The following SYT9 variants were observed in gnomAD, a reference collection of about 807,000 sequenced individuals.
SYT9 encodes synaptotagmin 9.
In SYT9, 22 loss-of-function variants were observed where a neutral mutation model predicts 48.4. The observed-to-expected ratio is 0.45, with a 90% CI of 0.32 to 0.65. The LOEUF is 0.65. Among genes scored for constraint, SYT9 ranks in the 30% least tolerant of loss-of-function variants. The pLI, the probability that SYT9 is intolerant of heterozygous loss-of-function variation, is 0.03. For missense variants in SYT9, 577 were observed against 622.0 expected (o/e 0.93, Z 0.77); for synonymous variants, 265 against 245.0 (o/e 1.08, Z -0.76).
intron 6 of SYT9, among the ~76,000 whole-genome samples, chr11:7,436,870 A>G (rs572862766): frequency 6.6e-6 from 1 of 152,328 alleles, no homozygotes; most frequent in South Asian, 2.1e-4. Flanking sequence ...AGCCACTTCG[A>G]GCTGCTGAGC....
chr11:7,416,750 A>G (rs1317322897), intron 4 of SYT9, among the ~76,000 whole-genome samples: 2 of 152,184 alleles, frequency 1.3e-5, no homozygotes, highest in Non-Finnish European at 2.9e-5. Flanking sequence ...CTATCTGTGA[A>G]GGGTCCTGAA....
rs1181690356 is a variant in SYT9 at position 7,466,825 on chromosome 11, C to G, written c.*25C>G. ...ACCATGGGTAAGAGGACTGCTTGTG[C>G]CAAGGACAAAATAGGACAACCATCT... On this transcript the variant is annotated 3_prime_UTR_variant, in exon 7 of 7. Transcript: ENST00000318881. 1 of 1,611,118 alleles carries G rather than the reference C, an allele frequency of 6.2e-7. No individual in the cohort carries two copies. Among genetic ancestry groups the G allele is most frequent in the South Asian group, 1.1e-5 (1 of 89,982 alleles).
Position 7,416,077 on chromosome 11 carries a change from G to A in SYT9, c.1080G>A (p.Leu360=). 1.9e-6 allele frequency: 3 copies of A among 1,614,134 alleles called. No homozygotes were observed. Among genetic ancestry groups the A allele is most frequent in the Non-Finnish European group, 2.5e-6 (3 of 1,180,022 alleles). Residue 360 remains leucine, a synonymous_variant, in exon 4 of 7, where the codon CTG becomes CTA. Coordinates refer to ENST00000318881, the MANE Select transcript of SYT9 (RefSeq NM_175733.4). ...NVDLGELMFS[L]CYLPTAGRLT... is the part of the protein sequence containing the mutation. Reference sequence around the variant, plus strand: ...ATCTGGGAGAGCTGATGTTTTCCCTGTGCTATCTTCCAACGGCTGGCAGGC... The same window carrying A: ...ATCTGGGAGAGCTGATGTTTTCCCTATGCTATCTTCCAACGGCTGGCAGGC...
At chr11:7,350,115 G>C (rs1036996371) in intron 3 of SYT9, among the ~76,000 whole-genome samples, 1 of 152,182 alleles carries the variant, frequency 6.6e-6, no homozygotes, top group Non-Finnish European at 1.5e-5. Context: ...TAAGGATCAG[G>C]CTGGCCGGAC....
At chr11:7,415,546 T>TA (rs1847226222) in intron 3 of SYT9, among the ~76,000 whole-genome samples, 1 of 152,012 alleles carries the variant, frequency 6.6e-6, no homozygotes, top group Non-Finnish European at 1.5e-5. Context: ...GGCTTCATGA[T>TA]GCTGCATAGG....
chr11:7,348,499 C>T (rs1849844165), intron 3 of SYT9, among the ~76,000 whole-genome samples: 1 of 151,996 alleles, frequency 6.6e-6, no homozygotes. Context: ...TATTGCTTCA[C>T]GTTTAATGGA....
intron 2 of SYT9, among the ~76,000 whole-genome samples, chr11:7,304,109 C>T (rs951290003): frequency 2.6e-5 from 4 of 152,210 alleles, no homozygotes; most frequent in Non-Finnish European, 5.9e-5. Flanking sequence ...ACTTAAACTC[C>T]GTATCTGTCC....
chr11:7,292,514 T>C (rs1011615077), intron 1 of SYT9, among the ~76,000 whole-genome samples: 16 of 152,160 alleles, frequency 1.1e-4, no homozygotes, highest in African/African-American at 3.6e-4. Flanking sequence ...TGGTCTCCAT[T>C]TCCTGAATCC....
intron 1 of SYT9, among the ~76,000 whole-genome samples, chr11:7,261,134 G>A (rs1294161183): frequency 6.6e-6 from 1 of 152,204 alleles, no homozygotes; most frequent in Non-Finnish European, 1.5e-5. Context: ...ATGCCCTTAA[G>A]TGGGTCACAG....
intron 3 of SYT9, among the ~76,000 whole-genome samples, chr11:7,359,009 C>T (rs1294938185): frequency 6.6e-6 from 1 of 151,806 alleles, no homozygotes; most frequent in Non-Finnish European, 1.5e-5. Context: ...CCTCCCCTCA[C>T]CCCACAACAG....
chr11:7,391,521 T>TCATTGTGGTTTTCATTTG (rs1439876140), intron 3 of SYT9, among the ~76,000 whole-genome samples: 7 of 151,980 alleles, frequency 4.6e-5, no homozygotes, highest in African/African-American at 9.7e-5. Flanking sequence ...AGAGAGTATC[T>TCATTGTGGTTTTCATTTG]CATTGTGGTT....
chr11:7,422,966 T>C (rs149468957), intron 6 of SYT9, among the ~76,000 whole-genome samples: 50 of 152,384 alleles, frequency 3.3e-4, no homozygotes, highest in African/African-American at 1.1e-3. Flanking sequence ...TCCACAGTTA[T>C]GTAACTGAAA....
chr11:7,435,319 G>A (rs1476465049), intron 6 of SYT9: 1 of 152,246 alleles, frequency 6.6e-6, no homozygotes, highest in South Asian at 2.1e-4. Flanking sequence ...GAAATAATAA[G>A]GAAGAAAAGG....
At chr11:7,428,626 G>A (rs759878829) in intron 6 of SYT9, among the ~76,000 whole-genome samples, 1 of 152,218 alleles carries the variant, frequency 6.6e-6, no homozygotes, top group Non-Finnish European at 1.5e-5. Context: ...CTTGTCAAAT[G>A]CTGTCTTCCA....
intron 1 of SYT9, among the ~76,000 whole-genome samples, chr11:7,277,859 GATGCTGTAGACATCTTAA>G (rs1848426775): frequency 6.6e-6 from 1 of 152,256 alleles, no homozygotes; most frequent in Non-Finnish European, 1.5e-5. Context: ...CAGTGCTAAT[GATGCTGTAGACATCTTAA>G]AAGCTAGGAA....
chr11:7,386,478 G>C (rs1458084688), intron 3 of SYT9, among the ~76,000 whole-genome samples: 1 of 151,476 alleles, frequency 6.6e-6, no homozygotes, highest in Non-Finnish European at 1.5e-5. Context: ...CCATCAAAAA[G>C]TGGGTGAAGG....
At chr11:7,383,839 A>G (rs1298415925) in intron 3 of SYT9, among the ~76,000 whole-genome samples, 1 of 152,180 alleles carries the variant, frequency 6.6e-6, no homozygotes, top group Admixed American at 6.5e-5. Context: ...CCCTTGCACT[A>G]TATGTCTAGG....
intron 3 of SYT9, among the ~76,000 whole-genome samples, chr11:7,391,279 C>T (rs1386257256): frequency 6.6e-6 from 1 of 152,042 alleles, no homozygotes; most frequent in Non-Finnish European, 1.5e-5. Context: ...AAGTGCACCC[C>T]TCTTTTTGGT....
chr11:7,286,424 C>A (rs1194311228), intron 1 of SYT9, among the ~76,000 whole-genome samples: 1 of 152,176 alleles, frequency 6.6e-6, no homozygotes, highest in Non-Finnish European at 1.5e-5. Context: ...AGGACCTGGC[C>A]CAGGAAACCA....
Sources: allele counts gnomAD v4.1 joint callset (sites outside exome capture counted in the v4.1 genomes callset), GRCh38; gene constraint gnomAD v4.1.1; transcripts MANE v1.5; gene names NCBI Gene and HGNC (gene_info 2026-07-23, HGNC 2026-07-21).